Variants in SPATA6L observed in about 807,000 individuals in gnomAD.
SPATA6L encodes the protein spermatogenesis associated 6 like.
In SPATA6L, 68 loss-of-function variants were observed where a neutral mutation model predicts 49.2. That is an observed-to-expected ratio of 1.38 (90% confidence interval 1.14 to 1.69). SPATA6L has a LOEUF of 1.69. SPATA6L is among the 40% of genes most tolerant of loss of function. The pLI, the probability that SPATA6L is intolerant of heterozygous loss-of-function variation, is 0.00. For missense variants in SPATA6L, 668 were observed against 464.3 expected (o/e 1.44, Z -4.03); for synonymous variants, 198 against 165.7 (o/e 1.19, Z -1.50).
intron 3 of SPATA6L, among the ~76,000 whole-genome samples, chr9:4,647,258 C>T (rs1432991390): frequency 2.0e-5 from 3 of 152,148 alleles, no homozygotes; most frequent in Admixed American, 2.0e-4. Context: ...ATCTTGCTTA[C>T]AACATTGTGC....
chr9:4,641,306 G>A (rs1452340079), intron 3 of SPATA6L, among the ~76,000 whole-genome samples: 1 of 152,074 alleles, frequency 6.6e-6, no homozygotes, highest in Non-Finnish European at 1.5e-5. Flanking sequence ...AGGAACCCTT[G>A]CAGATATGAA....
At chr9:4,645,165 A>G (rs563591229) in intron 3 of SPATA6L, among the ~76,000 whole-genome samples, 2 of 152,356 alleles carry the variant, frequency 1.3e-5, no homozygotes, top group African/African-American at 4.8e-5. Context: ...AACCAAAAAT[A>G]GTTTGGCAGT....
At chr9:4,665,603 A>G (rs567486189) in intron 1 of SPATA6L, among the ~76,000 whole-genome samples, 1 of 152,366 alleles carries the variant, frequency 6.6e-6, no homozygotes, top group South Asian at 2.1e-4. Context: ...TACTAACTAC[A>G]TGGAAGGATT....
At position 4,662,092 on chromosome 9, in the gene SPATA6L, T is replaced by G; in HGVS notation, c.40-56A>C. ...AGAGAAAACAGACTTTGCTTTGTTT[T>G]GTTACACGGGGCTCTATTTCTCTTA... is the stretch of plus-strand genomic sequence containing the variant. On this transcript the variant is annotated intron_variant, in intron 1 of 11. Transcript: ENST00000682582. The surrounding 1 kb of genome is among the most constrained non-coding windows in gnomAD (Gnocchi z 4.9). 1 of 1,594,440 alleles carries G rather than the reference T, an allele frequency of 6.3e-7. No individual in the cohort carries two copies. The highest frequency in any genetic ancestry group is 8.5e-7 in the Non-Finnish European group (1 of 1,169,682).
downstream of SPATA6L, among the ~76,000 whole-genome samples, chr9:4,594,940 G>A (rs1822148069): frequency 6.6e-6 from 1 of 152,104 alleles, no homozygotes; most frequent in South Asian, 2.1e-4. Flanking sequence ...TTGACCCCTA[G>A]TAATTCTAAG....
chr9:4,618,777 A>T, intron 8 of SPATA6L, 87 bp downstream of exon 8: 1 of 1,240,070 alleles, frequency 8.1e-7, no homozygotes. Context: ...CTAACTAGAA[A>T]TATCCACCAC....
chr9:4,607,901 T>C (rs1229520291), intron 9 of SPATA6L, among the ~76,000 whole-genome samples: 1 of 150,660 alleles, frequency 6.6e-6, no homozygotes, highest in South Asian at 2.1e-4. Context: ...AGGAAACCCA[T>C]CTCACGTGCA....
intron 3 of SPATA6L, among the ~76,000 whole-genome samples, chr9:4,653,081 G>A (rs1484539808): frequency 6.6e-6 from 1 of 152,150 alleles, no homozygotes; most frequent in Non-Finnish European, 1.5e-5. Flanking sequence ...GAAAAACTAA[G>A]CTGGAAGATT....
At chr9:4,606,261 A>G (rs1039702936) in intron 9 of SPATA6L, among the ~76,000 whole-genome samples, 11 of 137,470 alleles carry the variant, frequency 8.0e-5, no homozygotes, top group African/African-American at 3.1e-4. Flanking sequence ...GAGGTAAACA[A>G]AGCAGCCGGA....
chr9:4,643,167 C>A (rs1364414737), intron 3 of SPATA6L, among the ~76,000 whole-genome samples: 1 of 152,130 alleles, frequency 6.6e-6, no homozygotes, highest in Non-Finnish European at 1.5e-5. Flanking sequence ...GACATCATTC[C>A]CAGCTAATTT....
chr9:4,650,432 C>G (rs559854165), intron 3 of SPATA6L, among the ~76,000 whole-genome samples: 6 of 152,112 alleles, frequency 3.9e-5, no homozygotes, highest in African/African-American at 1.2e-4. Flanking sequence ...CAAACTAAAC[C>G]TAAAGCAAAC....
chr9:4,650,572 C>T (rs1836587068), intron 3 of SPATA6L, among the ~76,000 whole-genome samples: 1 of 152,134 alleles, frequency 6.6e-6, no homozygotes, highest in South Asian at 2.1e-4. Flanking sequence ...CCTTTAGCTA[C>T]ACTAACCAAG....
Position 4,662,533 on chromosome 9 carries a change from C to G in SPATA6L, c.40-497G>C, listed in dbSNP as rs1840079590. On this transcript the variant is annotated intron_variant, in intron 1 of 11. Coordinates refer to ENST00000682582, the MANE Select transcript of SPATA6L (RefSeq NM_001353486.2). The surrounding 1 kb of genome is among the most constrained non-coding windows in gnomAD (Gnocchi z 4.9). ...AGCAGCCGCGCCACGGCCGTGGACC[C>G]CACCTGCGCCCGGCTCCGTGCATCG... 6.4e-7 allele frequency: 1 copy of G among 1,566,924 alleles called. No homozygotes were observed. The highest frequency in any genetic ancestry group is 1.8e-5 in the Admixed American group (1 of 55,330).
rs1201893067 is a variant in SPATA6L at position 4,625,425 on chromosome 9, A to C, written c.571T>G (p.Ser191Ala). The C allele has an allele frequency of 2.4e-5, 38 of 1,614,006 alleles. No homozygotes were observed. The highest frequency in any genetic ancestry group is 3.0e-5 in the Non-Finnish European group (35 of 1,180,014). ...TGGTCCTGGAAGAAATGCCTGGTAG[A>C]ATATTGAGAGGGCGCCCGGGCTTGC... ...GMQARAPSQY[S>A]TRHFFQDQPA... The change falls in exon 6 of 12, where the codon TCT becomes GCT. Residue 191 changes from serine to alanine, a missense_variant. Transcript: ENST00000682582.
In SPATA6L at chr9:4,600,483, C is replaced by CAGAGGGAGAGAGAGAG. The variant is rs1822947965; in HGVS notation, c.*327_*328insCTCTCTCTCTCCCTCT. The CAGAGGGAGAGAGAGAG allele has an allele frequency of 5.1e-5, 1 of 19,440 alleles. No homozygotes were observed. Among genetic ancestry groups the CAGAGGGAGAGAGAGAG allele is most frequent in the African/African-American group, 1.7e-4 (1 of 5,868 alleles). 1.2% of individuals were successfully genotyped at this position (19,440 alleles called of 1,614,324 possible). A position where few individuals can be genotyped will look rare whatever the true frequency, so the allele number is the denominator to read the frequency against. On this transcript the variant is annotated 3_prime_UTR_variant, in exon 12 of 12. Transcript: ENST00000682582. ...TTTGAGAGAGAGAGACAGAGAGAGC[C>CAGAGGGAGAGAGAGAG]AGAGAGAGCCAGAGAGAGAGAGAGG...
At chr9:4,596,033 T>C (rs1220866056), downstream of SPATA6L, among the ~76,000 whole-genome samples, 1 of 152,192 alleles carries the variant, frequency 6.6e-6, no homozygotes, top group African/African-American at 2.4e-5. Context: ...TCACCATTAT[T>C]TCAAACTCAA....
chr9:4,660,822 A>G (rs1375414422), intron 2 of SPATA6L, among the ~76,000 whole-genome samples: 1 of 152,242 alleles, frequency 6.6e-6, no homozygotes, highest in Non-Finnish European at 1.5e-5. Flanking sequence ...AAAATGTGGC[A>G]CATATACACC....
At chr9:4,647,964 A>C (rs1186251634) in intron 3 of SPATA6L, among the ~76,000 whole-genome samples, 4 of 151,896 alleles carry the variant, frequency 2.6e-5, no homozygotes, top group Non-Finnish European at 4.4e-5. Flanking sequence ...CCTCTCGAGT[A>C]GCTGGGACTA....
rs563978591 is a variant in SPATA6L, at chr9:4,662,195, T to C, written c.40-159A>G. On this transcript the variant is annotated intron_variant, in intron 1 of 11. Transcript: ENST00000682582. This position sits in a 1 kb window ranked among gnomAD's most constrained non-coding sequence, Gnocchi z 4.9. ...CTCCCAACGCCAACATCCTCCCCTC[T>C]GCTCTCCTCACATTGGAAATTCCAA... The C allele has an allele frequency of 2.1e-6, 3 of 1,440,296 alleles. No individual in the cohort carries two copies. Among genetic ancestry groups the C allele is most frequent in the Non-Finnish European group, 2.7e-6 (3 of 1,101,290 alleles). The allele number at this position is 1,440,296 out of a possible 1,614,324, so 89.2% of individuals were successfully genotyped here.
Sources: gnomAD v4.1 joint callset for allele counts (sites outside exome capture counted in the v4.1 genomes callset) on GRCh38, gnomAD v4.1.1 for gene constraint, Gnocchi (gnomAD v3.1) non-coding constraint, MANE v1.5 for transcripts, NCBI Gene and HGNC (gene_info 2026-07-23, HGNC 2026-07-21) for gene names.